The following MED28 variants were observed in gnomAD, a reference collection of about 807,000 sequenced individuals.
The protein encoded by MED28 is mediator complex subunit 28, also known as mediator of RNA polymerase II transcription subunit 28.
A neutral mutation model predicts 21.3 loss-of-function variants in MED28; 26 were observed. The ratio of observed to expected loss-of-function variants is 1.22; its 90% CI spans 0.89 to 1.69. The LOEUF is 1.69. Among genes scored for constraint, MED28 ranks in the 40% most tolerant of loss-of-function variants. The pLI is 0.00. For synonymous variants in MED28, 110 were observed against 87.6 expected, an observed-to-expected ratio of 1.26 and a Z score of -1.43; for missense variants, 257 against 215.4, an observed-to-expected ratio of 1.19 and a Z score of -1.21.
intron 2 of MED28, among the ~76,000 whole-genome samples, chr4:17,620,974 C>T (rs1033139310): frequency 4.0e-5 from 6 of 148,176 alleles, no homozygotes; most frequent in African/African-American, 1.5e-4. Flanking sequence ...TCCCAAAGTG[C>T]TGGGATTACA....
In MED28 at chr4:17,631,118, G is replaced by T. The variant is rs73800317; in HGVS notation, c.*7320G>T. Reference sequence around the variant, plus strand: ...GGTCAGCACCGTGAACAGCCATTGCGGTTCCTTTAACCCACTGGGAATTCA... The same window carrying T: ...GGTCAGCACCGTGAACAGCCATTGCTGTTCCTTTAACCCACTGGGAATTCA... On this transcript the variant is annotated 3_prime_UTR_variant, in exon 4 of 4. Coordinates refer to ENST00000237380, the MANE Select transcript of MED28 (RefSeq NM_025205.5). 4,908 of 152,262 alleles carry T rather than the reference G, an allele frequency of 0.032. 248 individuals are homozygous for T. The highest frequency in any genetic ancestry group is 0.11 in the African/African-American group (4,644 of 41,510). 9.4% of individuals were successfully genotyped at this position (152,262 alleles called of 1,614,324 possible). A position where few individuals can be genotyped will look rare whatever the true frequency, so the allele number is the denominator to read the frequency against.
chr4:17,614,759 C>A lies in MED28; in HGVS notation c.105C>A (p.Gly35=), dbSNP rs763262334. The A allele has an allele frequency of 6.2e-7, 1 of 1,614,230 alleles. No individual in the cohort carries two copies. Among genetic ancestry groups the A allele is most frequent in the South Asian group, 1.1e-5 (1 of 91,090 alleles). Residue 35 remains glycine (G), a synonymous_variant, in exon 1 of 4, where the codon GGC becomes GGA. Transcript: ENST00000237380. The part of the protein sequence containing the change: ...GQASLLQAAP[G]APRPSSSTLV... ...CTTCGCTTCTTCAGGCAGCTCCAGG[C>A]GCTCCTAGACCTTCCAGCAGTACTT...
Position 17,632,670 on chromosome 4 carries a change from C to G in MED28, c.*8872C>G. On this transcript the variant is annotated 3_prime_UTR_variant, in exon 4 of 4. Coordinates refer to ENST00000237380, the MANE Select transcript of MED28 (RefSeq NM_025205.5). ...TTTTTATATGGTTTTGAAAACTATG[C>G]AAGAAGCAGCTTAATACCCACCATC... 4 of 1,311,584 alleles carry G rather than the reference C, an allele frequency of 3.0e-6. No homozygotes were observed. The highest frequency in any genetic ancestry group is 3.2e-6 in the Non-Finnish European group (3 of 935,644). 81.2% of individuals were successfully genotyped at this position (1,311,584 alleles called of 1,614,324 possible).
In MED28 at chr4:17,614,735, T is replaced by A. The variant is rs1221166465; in HGVS notation, c.81T>A (p.Ala27=). The A allele has an allele frequency of 6.2e-7, 1 of 1,614,134 alleles. No homozygotes were observed. Among genetic ancestry groups the A allele is most frequent in the East Asian group, 2.2e-5 (1 of 44,894 alleles). Residue 27 remains alanine (A), a synonymous_variant, in exon 1 of 4, where the codon GCT becomes GCA. Transcript: ENST00000237380. ...CCCCGCCGGGCCTTCCGGGCCAAGC[T>A]TCGCTTCTTCAGGCAGCTCCAGGCG... ...PQAPPGLPGQ[A]SLLQAAPGAP...
rs147718275 is a variant in MED28 at position 17,623,213 on chromosome 4, C to T, written c.340-388C>T. On this transcript the variant is annotated intron_variant, in intron 3 of 3. Coordinates refer to ENST00000237380, the MANE Select transcript of MED28 (RefSeq NM_025205.5). ...GTCAGGAGTTCGAGATTAGCCTAGC[C>T]AACATGGCAAAACCGCATCTCTACT... Among the ~76,000 whole-genome samples, 18 of 152,136 alleles carry T rather than the reference C, an allele frequency of 1.2e-4. No homozygotes were observed. The East Asian group carries it at 1.9e-3, about 16-fold the overall frequency.
intron 3 of MED28, among the ~76,000 whole-genome samples, chr4:17,622,186 G>A (rs1210379248): frequency 6.6e-6 from 1 of 152,166 alleles, no homozygotes; most frequent in East Asian, 1.9e-4. Context: ...GGGTTGCCAC[G>A]ATGACTTGGG....
At chr4:17,618,674 GC>G (rs1213232964) in intron 1 of MED28, among the ~76,000 whole-genome samples, 1 of 152,066 alleles carries the variant, frequency 6.6e-6, no homozygotes, top group Non-Finnish European at 1.5e-5. Context: ...GTGCCACCAT[GC>G]CCAGCTAATT....
At chr4:17,616,282 G>A (rs1169318408) in intron 1 of MED28, among the ~76,000 whole-genome samples, 2 of 152,160 alleles carry the variant, frequency 1.3e-5, no homozygotes, top group Non-Finnish European at 2.9e-5. Context: ...AGGACAGACC[G>A]TTTAGGAGGA....
rs933749148 is a variant in MED28, at chr4:17,633,552, G to A, written c.*9754G>A. 2 of 771,548 alleles carry A rather than the reference G, an allele frequency of 2.6e-6. No homozygotes were observed. Among genetic ancestry groups the A allele is most frequent in the African/African-American group, 3.6e-5 (2 of 55,552 alleles). The allele number at this position is 771,548 out of a possible 1,614,324, so 47.8% of individuals were successfully genotyped here. On this transcript the variant is annotated 3_prime_UTR_variant, in exon 4 of 4. Coordinates refer to ENST00000237380, the MANE Select transcript of MED28 (RefSeq NM_025205.5). ...CCCATGCTGAAGTTTTCAGGTAAGT[G>A]ATTCAGTGTCCCTTGTCTAATCATC...
Position 17,623,613 on chromosome 4 carries a change from C to G in MED28, c.352C>G (p.Leu118Val), listed in dbSNP as rs1288052481. The G allele has an allele frequency of 3.8e-5, 62 of 1,613,888 alleles. No homozygotes were observed. Among genetic ancestry groups the G allele is most frequent in the Non-Finnish European group, 5.0e-5 (59 of 1,179,992 alleles). The change falls in exon 4 of 4, where the codon CTA becomes GTA. Residue 118 changes from leucine (L) to valine (V), a missense_variant. Coordinates refer to ENST00000237380, the MANE Select transcript of MED28 (RefSeq NM_025205.5). ...EQVIKEDVSE[L>V]RNELQRKDAL... ...CTTTCATCTGCAGGATGTGTCAGAA[C>G]TAAGGAATGAATTACAGCGGAAAGA... is the stretch of plus-strand genomic sequence containing the variant.
rs1714919026 is a variant in MED28, at chr4:17,630,975, TTC to T, written c.*7179_*7180del. 1 of 152,242 alleles carries T rather than the reference TTC, an allele frequency of 6.6e-6. No homozygotes were observed. Among genetic ancestry groups the T allele is most frequent in the Non-Finnish European group, 1.5e-5 (1 of 68,032 alleles). 9.4% of individuals were successfully genotyped at this position (152,242 alleles called of 1,614,324 possible). A position where few individuals can be genotyped will look rare whatever the true frequency, so the allele number is the denominator to read the frequency against. On this transcript the variant is annotated 3_prime_UTR_variant, in exon 4 of 4. Coordinates refer to ENST00000237380, the MANE Select transcript of MED28 (RefSeq NM_025205.5). ...AATTAACATTGGTTTGTGGGCCACCTTCTGGGCCAGCACCAAAGACTGAAAAA... is the reference window on the plus strand; with the variant it reads ...AATTAACATTGGTTTGTGGGCCACCTTGGGCCAGCACCAAAGACTGAAAAA...
rs1164311883 is a variant in MED28, at chr4:17,632,567, G to A, written c.*8769G>A. ...AAGTACTTGGTGAACCATTCCTGGTGCGGAGAGCCCTGTTTCTGCTGGACT... is the reference window on the plus strand; with the variant it reads ...AAGTACTTGGTGAACCATTCCTGGTACGGAGAGCCCTGTTTCTGCTGGACT... On this transcript the variant is annotated 3_prime_UTR_variant, in exon 4 of 4. Transcript: ENST00000237380. 6.4e-7 allele frequency: 1 copy of A among 1,551,502 alleles called. No individual in the cohort carries two copies. The highest frequency in any genetic ancestry group is 1.2e-5 in the South Asian group (1 of 84,058).
intron 1 of MED28, among the ~76,000 whole-genome samples, chr4:17,617,160 G>T (rs1179658476): frequency 6.6e-6 from 1 of 152,200 alleles, no homozygotes; most frequent in Non-Finnish European, 1.5e-5. Flanking sequence ...GGAGTGGTGC[G>T]AGCTGGATCC....
rs532181258 is a variant in MED28, at chr4:17,627,602, C to G, written c.*3804C>G. 6.6e-6 allele frequency: 1 copy of G among 152,236 alleles called. No individual in the cohort carries two copies. Among genetic ancestry groups the G allele is most frequent in the Non-Finnish European group, 1.5e-5 (1 of 68,132 alleles). 9.4% of individuals were successfully genotyped at this position (152,236 alleles called of 1,614,324 possible). A position where few individuals can be genotyped will look rare whatever the true frequency, so the allele number is the denominator to read the frequency against. The stretch of plus-strand genomic sequence containing the variant: ...AAAGCTCCTGGCATTGGGGACCTGC[C>G]GCCATGTTCCTGCCCAGGGCATGCT... On this transcript the variant is annotated 3_prime_UTR_variant, in exon 4 of 4. Coordinates refer to ENST00000237380, the MANE Select transcript of MED28 (RefSeq NM_025205.5).
At position 17,622,784 on chromosome 4, in the gene MED28, T is replaced by C. The variant is rs1714671657; in HGVS notation, c.340-817T>C. 2.6e-5 allele frequency among the ~76,000 whole-genome samples: 4 copies of C among 152,294 alleles called. No homozygotes were observed. The South Asian group carries it at 8.3e-4, about 32-fold the overall frequency. On this transcript the variant is annotated intron_variant, in intron 3 of 3. Transcript: ENST00000237380. ...TGATGGACTTACAGTTCCATGTGGC[T>C]GGGGAGGCCTCACAATCATGGCAGA...
chr4:17,614,671 G>T lies in MED28; in HGVS notation c.17G>T (p.Gly6Val), dbSNP rs144722957. The change falls in exon 1 of 4, where the codon GGG (glycine) becomes GTG (valine). Residue 6 changes from glycine to valine, a missense_variant. Gly to Val is a moderately radical substitution (Grantham distance 109). Transcript: ENST00000237380. ...ATTCCAAACATGGCGGCTCCACTAG[G>T]GGGTATGTTTTCTGGGCAGCCACCC... is the stretch of plus-strand genomic sequence containing the variant. MAAPL[G>V]GMFSGQPPGP... 42 of 1,612,532 alleles carry T rather than the reference G, an allele frequency of 2.6e-5. No homozygotes were observed. Among genetic ancestry groups the T allele is most frequent in the African/African-American group, 6.7e-5 (5 of 74,854 alleles).
At chr4:17,616,195 TC>T (rs1276505830) in intron 1 of MED28, among the ~76,000 whole-genome samples, 1 of 152,176 alleles carries the variant, frequency 6.6e-6, no homozygotes, top group Admixed American at 6.5e-5. Flanking sequence ...GACCTCGTGA[TC>T]CACCCGCCTC....
At position 17,623,516 on chromosome 4, in the gene MED28, T is replaced by G; in HGVS notation, c.340-85T>G. On this transcript the variant is annotated intron_variant, in intron 3 of 3. Transcript: ENST00000237380. ...TATGGTTTAATGGATTCTCTTTGTT[T>G]TGAATTGTTAGCCTCTTAACTAACC... 4 of 1,325,950 alleles carry G rather than the reference T, an allele frequency of 3.0e-6. No homozygotes were observed. In the South Asian group the frequency reaches 3.7e-5, roughly 12 times the overall value. 82.1% of individuals were successfully genotyped at this position (1,325,950 alleles called of 1,614,324 possible). A position where few individuals can be genotyped will look rare whatever the true frequency, so the allele number is the denominator to read the frequency against.
chr4:17,618,999 G>C (rs1176007305), intron 1 of MED28, among the ~76,000 whole-genome samples: 23 of 152,226 alleles, frequency 1.5e-4, no homozygotes, highest in Admixed American at 1.5e-3. Context: ...AGATCTGTCT[G>C]CCTCACACCA....
Sources: gnomAD v4.1 joint callset for allele counts (sites outside exome capture counted in the v4.1 genomes callset) on GRCh38, gnomAD v4.1.1 for gene constraint, MANE v1.5 for transcripts, NCBI Gene and HGNC (gene_info 2026-07-23, HGNC 2026-07-21) for gene names.